Variants in GPC6 observed in about 807,000 individuals in gnomAD.
GPC6 encodes glypican 6.
In GPC6, 14 loss-of-function variants were observed where a neutral mutation model predicts 55.2. That is an observed-to-expected ratio of 0.25 (90% CI 0.17 to 0.40). The LOEUF is 0.40. GPC6 is among the 10% of genes least tolerant of loss of function. The pLI is 1.00. For synonymous variants in GPC6, 278 were observed against 259.6 expected (o/e 1.07, Z -0.68); for missense variants, 641 against 708.5 (o/e 0.90, Z 1.08).
chr13:94,145,567 A>AT (rs1489296521), intron 4 of GPC6, among the ~76,000 whole-genome samples: 1 of 151,950 alleles, frequency 6.6e-6, no homozygotes, highest in Non-Finnish European at 1.5e-5. Flanking sequence ...AAAAGAAAAA[A>AT]AATGGTAGCA....
chr13:94,349,873 G>T (rs1337561403), intron 6 of GPC6, among the ~76,000 whole-genome samples: 2 of 151,964 alleles, frequency 1.3e-5, no homozygotes, highest in Non-Finnish European at 2.9e-5. Flanking sequence ...ACCTCCACTA[G>T]GTGTTAAGAC....
In GPC6 at chr13:94,085,769, CT is replaced by C. The variant is rs533007077; in HGVS notation, c.877+57878del. On this transcript the variant is annotated intron_variant, in intron 4 of 8. Coordinates refer to ENST00000377047, the MANE Select transcript of GPC6 (RefSeq NM_005708.5). ...GGAGTAGTTGAACTGAGAGTTACAT[CT>C]TTAACGTATGTCTGAAAATCCAGTG... Among the ~76,000 whole-genome samples the C allele has an allele frequency of 1.1e-4, 16 of 152,264 alleles. No individual in the cohort carries two copies. In the East Asian group the frequency reaches 3.1e-3, roughly 29 times the overall value.
chr13:93,320,053 G>C (rs1879381019), intron 1 of GPC6, among the ~76,000 whole-genome samples: 1 of 152,108 alleles, frequency 6.6e-6, no homozygotes. Context: ...CATACTGAAA[G>C]TGATTTTAAT....
Position 93,566,300 on chromosome 13 carries a change from A to G in GPC6, c.319+20879A>G, listed in dbSNP as rs1208620742. Among the ~76,000 whole-genome samples, 3 of 152,234 alleles carry G rather than the reference A, an allele frequency of 2.0e-5. No homozygotes were observed. In the East Asian group the frequency reaches 5.8e-4, roughly 29 times the overall value. ...TTCTTTCAAAGTTAAGTCCTTAAAC[A>G]TGTGCTAATGAAACACACTGAATAT... is the stretch of plus-strand genomic sequence containing the variant. On this transcript the variant is annotated intron_variant, in intron 2 of 8. Transcript: ENST00000377047.
At chr13:94,066,939 G>A (rs555468825) in intron 4 of GPC6, among the ~76,000 whole-genome samples, 1 of 152,256 alleles carries the variant, frequency 6.6e-6, no homozygotes, top group Admixed American at 6.5e-5. Context: ...GAATACAACT[G>A]GGTAGTTTTA....
chr13:93,983,662 C>T lies in GPC6; in HGVS notation c.712-44067C>T, dbSNP rs934786279. ...ACCCTTAAAATTATAAAACGATATACAGTTGTTAAACAAGAAAAAGGAGAG... is the reference window on the plus strand; with the variant it reads ...ACCCTTAAAATTATAAAACGATATATAGTTGTTAAACAAGAAAAAGGAGAG... On this transcript the variant is annotated intron_variant, in intron 3 of 8. Coordinates refer to ENST00000377047, the MANE Select transcript of GPC6 (RefSeq NM_005708.5). 2.0e-5 allele frequency among the ~76,000 whole-genome samples: 3 copies of T among 151,746 alleles called. No homozygotes were observed. In the East Asian group the frequency reaches 5.8e-4, roughly 29 times the overall value.
chr13:93,781,139 T>C (rs1885633298), intron 2 of GPC6, among the ~76,000 whole-genome samples: 1 of 151,828 alleles, frequency 6.6e-6, no homozygotes, highest in African/African-American at 2.4e-5. Context: ...AGCTGGGCAT[T>C]GTAGCAAGTG....
At chr13:93,515,356 C>A (rs1413125010) in intron 1 of GPC6, among the ~76,000 whole-genome samples, 3 of 152,090 alleles carry the variant, frequency 2.0e-5, no homozygotes, top group African/African-American at 7.2e-5. Flanking sequence ...GGACTGTTAC[C>A]ATTTATTTGT....
At chr13:93,891,847 A>G (rs977400147) in intron 3 of GPC6, among the ~76,000 whole-genome samples, 1 of 151,692 alleles carries the variant, frequency 6.6e-6, no homozygotes, top group African/African-American at 2.4e-5. Flanking sequence ...GTGTGTGTGT[A>G]TATGTAGTGT....
intron 1 of GPC6, among the ~76,000 whole-genome samples, chr13:93,362,661 G>T (rs1190412301): frequency 6.6e-6 from 1 of 150,956 alleles, no homozygotes; most frequent in Non-Finnish European, 1.5e-5. Context: ...AGAGAGTTTG[G>T]AAGTGACTTA....
intron 2 of GPC6, among the ~76,000 whole-genome samples, chr13:93,565,342 A>G (rs1876044526): frequency 6.6e-6 from 1 of 152,214 alleles, no homozygotes; most frequent in African/African-American, 2.4e-5. Flanking sequence ...GAAAACATAG[A>G]AAGAAATGTG....
intron 3 of GPC6, among the ~76,000 whole-genome samples, chr13:94,024,931 T>C (rs1376862985): frequency 1.3e-5 from 2 of 152,192 alleles, no homozygotes; most frequent in African/African-American, 4.8e-5. Context: ...AATAAGCACT[T>C]AACAAATACC....
At chr13:93,906,903 A>T (rs1042663130) in intron 3 of GPC6, among the ~76,000 whole-genome samples, 1 of 152,192 alleles carries the variant, frequency 6.6e-6, no homozygotes, top group Non-Finnish European at 1.5e-5. Context: ...TAGTAGATAC[A>T]TATATATTCT....
intron 3 of GPC6, among the ~76,000 whole-genome samples, chr13:93,972,903 TTCTCTCTCTCTCTCTGTCTCTCTGTC>T (rs1164427089): frequency 7.1e-6 from 1 of 141,164 alleles, no homozygotes; most frequent in Non-Finnish European, 1.6e-5. Context: ...GTCTCTCTCT[TTCTCTCTCTCTCTCTGTCTCTCTGTC>T]TCTCTCTCTC....
chr13:93,773,293 G>A (rs750348004), intron 2 of GPC6, among the ~76,000 whole-genome samples: 17 of 151,986 alleles, frequency 1.1e-4, no homozygotes, highest in Non-Finnish European at 1.6e-4. Flanking sequence ...ACAACTTTAC[G>A]TATAAATTAA....
At chr13:93,979,835 C>T (rs1311602166) in intron 3 of GPC6, among the ~76,000 whole-genome samples, 2 of 152,032 alleles carry the variant, frequency 1.3e-5, no homozygotes, top group African/African-American at 4.8e-5. Flanking sequence ...AAATTATAGC[C>T]TATTCACCAT....
intron 1 of GPC6, among the ~76,000 whole-genome samples, chr13:93,447,748 A>C (rs1408592803): frequency 6.6e-6 from 1 of 152,160 alleles, no homozygotes; most frequent in African/African-American, 2.4e-5. Flanking sequence ...TTGGTTATAC[A>C]TTTCTCTGTA....
At chr13:94,323,375 C>A (rs368292586) in intron 6 of GPC6, among the ~76,000 whole-genome samples, 1 of 152,138 alleles carries the variant, frequency 6.6e-6, no homozygotes, top group Non-Finnish European at 1.5e-5. Flanking sequence ...GCATAAAGCT[C>A]CTAGCTCAGC....
chr13:93,647,911 T>A (rs1362382589), intron 2 of GPC6, among the ~76,000 whole-genome samples: 2 of 152,096 alleles, frequency 1.3e-5, no homozygotes, highest in Non-Finnish European at 2.9e-5. Flanking sequence ...CACCCTTCCC[T>A]GGTGTAGTCA....
Sources: allele counts gnomAD v4.1 joint callset (sites outside exome capture counted in the v4.1 genomes callset), GRCh38; gene constraint gnomAD v4.1.1; transcripts MANE v1.5; gene names NCBI Gene and HGNC (gene_info 2026-07-23, HGNC 2026-07-21).